The following UGGT1 variants were observed in gnomAD, a reference collection of about 807,000 sequenced individuals.
The protein encoded by UGGT1 is UDP-glucose glycoprotein glucosyltransferase 1.
Under a neutral mutation model 203.9 loss-of-function variants are expected in UGGT1, and 107 were observed. The observed-to-expected ratio is 0.52, with a 90% CI of 0.45 to 0.62. The LOEUF is 0.62. UGGT1 is among the 20% of genes least tolerant of loss of function. The pLI is 0.00. For synonymous variants in UGGT1, 628 were observed against 653.5 expected, an observed-to-expected ratio of 0.96 and a Z score of 0.59; for missense variants, 1,673 against 1,867.2, an observed-to-expected ratio of 0.90 and a Z score of 1.92.
At chr2:128,119,507 T>C (rs764543877) in intron 8 of UGGT1, among the ~76,000 whole-genome samples, 1 of 152,200 alleles carries the variant, frequency 6.6e-6, no homozygotes, top group African/African-American at 2.4e-5. Flanking sequence ...GTCTGTCTGA[T>C]GTAAATGTTA....
chr2:128,141,811 A>C (rs1689442539), intron 16 of UGGT1, among the ~76,000 whole-genome samples: 1 of 139,088 alleles, frequency 7.2e-6, no homozygotes, highest in South Asian at 2.2e-4. Context: ...ACTCCATCTC[A>C]AAAAAAAAAA....
chr2:128,091,500 C>T lies in UGGT1; in HGVS notation c.58+85C>T, dbSNP rs1438274611. 8 of 1,510,678 alleles carry T rather than the reference C, an allele frequency of 5.3e-6. No homozygotes were observed. The African/African-American group carries it at 1.1e-4, about 21-fold the overall frequency. 93.6% of individuals were successfully genotyped at this position (1,510,678 alleles called of 1,614,324 possible). Reference sequence around the variant, plus strand: ...GACCCTGTGCCCCTGTCACATTGAGCTTCCGCCTCTACCGTGACTCAGTTT... The same window carrying T: ...GACCCTGTGCCCCTGTCACATTGAGTTTCCGCCTCTACCGTGACTCAGTTT... On this transcript the variant is annotated intron_variant, in intron 1 of 40. Transcript: ENST00000259253.
chr2:128,174,805 T>C lies in UGGT1; in HGVS notation c.3486T>C (p.Ala1162=). The C allele has an allele frequency of 1.9e-6, 3 of 1,613,982 alleles. No homozygotes were observed. The highest frequency in any genetic ancestry group is 2.5e-6 in the Non-Finnish European group (3 of 1,179,926). ...GYFQLKANPG[A]WILRLRKGRS... ...TTCAGCTGAAAGCCAACCCAGGAGC[T>C]TGGATCCTCAGACTTAGGAAGGGAC... is the stretch of plus-strand genomic sequence containing the variant. The change falls in exon 31 of 41, where the codon GCT becomes GCC. Residue 1162 remains alanine (A), a synonymous_variant. Transcript: ENST00000259253.
At chr2:128,119,053 A>G (rs894478351) in intron 8 of UGGT1, among the ~76,000 whole-genome samples, 3 of 152,178 alleles carry the variant, frequency 2.0e-5, no homozygotes, top group Admixed American at 1.3e-4. Flanking sequence ...TCAGATTTCA[A>G]TTTTGGAATA....
At chr2:128,141,207 C>G (rs1689406020) in intron 16 of UGGT1, among the ~76,000 whole-genome samples, 1 of 152,016 alleles carries the variant, frequency 6.6e-6, no homozygotes, top group African/African-American at 2.4e-5. Flanking sequence ...GCCTGTAATT[C>G]CAGCACTTTG....
intron 12 of UGGT1, 152 bp downstream of exon 12, chr2:128,127,604 C>T: frequency 1.6e-6 from 1 of 607,198 alleles, no homozygotes; most frequent in Non-Finnish European, 3.0e-6. Flanking sequence ...TAGGCACATG[C>T]CATGATGGGT....
At chr2:128,165,971 A>C (rs1418833921) in intron 26 of UGGT1, among the ~76,000 whole-genome samples, 2 of 152,128 alleles carry the variant, frequency 1.3e-5, no homozygotes, top group Non-Finnish European at 2.9e-5. Flanking sequence ...TGTGTTGCCC[A>C]GGCTGGTCTC....
chr2:128,113,395 T>C (rs1285453476), intron 6 of UGGT1, 137 bp downstream of exon 6: 1 of 698,302 alleles, frequency 1.4e-6, no homozygotes, highest in Non-Finnish European at 2.2e-6. Flanking sequence ...AGTAGTTTCA[T>C]TGAGTCTATT....
chr2:128,143,165 TC>T lies in UGGT1; in HGVS notation c.1793del (p.Pro598ArgfsTer3). Reference sequence around the variant, plus strand: ...TGGTCAGTGTCCTGGAGAAGAAATATCCGTATGTAGAAGTGAATAGCATTTT... The same window carrying T: ...TGGTCAGTGTCCTGGAGAAGAAATATCGTATGTAGAAGTGAATAGCATTTT... ...HVVSVLEKKY[P>X]YVEVNSILGI... On this transcript the variant is annotated frameshift_variant, in exon 17 of 41. Transcript: ENST00000259253. LOFTEE classifies it high-confidence loss of function. 3 of 1,613,982 alleles carry T rather than the reference TC, an allele frequency of 1.9e-6. No individual in the cohort carries two copies. Among genetic ancestry groups the T allele is most frequent in the Non-Finnish European group, 2.5e-6 (3 of 1,179,958 alleles).
chr2:128,104,463 A>G (rs921368757), intron 3 of UGGT1, among the ~76,000 whole-genome samples: 1 of 152,230 alleles, frequency 6.6e-6, no homozygotes. Context: ...TTGAGTGTTA[A>G]GGTATCAAAT....
At chr2:128,128,936 T>G in intron 12 of UGGT1, 93 bp from the exon 13 acceptor site, 1 of 1,252,856 alleles carries the variant, frequency 8.0e-7, no homozygotes, top group South Asian at 1.7e-5. Flanking sequence ...TGATTTGGCA[T>G]TGAGGTTGAA....
At chr2:128,143,265 TG>T (rs1230344387) in intron 17 of UGGT1, 40 bp downstream of exon 17, 1 of 1,606,352 alleles carries the variant, frequency 6.2e-7, no homozygotes, top group Non-Finnish European at 8.5e-7. Flanking sequence ...ATTGCAACAT[TG>T]TACTGTCCTT....
chr2:128,189,851 G>A lies in UGGT1; in HGVS notation c.*109G>A. The A allele has an allele frequency of 8.1e-7, 1 of 1,238,672 alleles. No homozygotes were observed. The highest frequency in any genetic ancestry group is 1.3e-5 in the South Asian group (1 of 74,998). 76.7% of individuals were successfully genotyped at this position (1,238,672 alleles called of 1,614,324 possible). On this transcript the variant is annotated 3_prime_UTR_variant, in exon 41 of 41. Transcript: ENST00000259253. ...CTGCTGATAAGCCGGCTGGGCAGGA[G>A]TGCCACACCTTTTGATTCTGAGCAT...
At chr2:128,105,746 C>T (rs1687577575) in intron 3 of UGGT1, among the ~76,000 whole-genome samples, 1 of 152,062 alleles carries the variant, frequency 6.6e-6, no homozygotes, top group African/African-American at 2.4e-5. Flanking sequence ...AACTCCTGAC[C>T]TCAGGCAATC....
At chr2:128,133,841 A>G (rs1688997383) in intron 14 of UGGT1, among the ~76,000 whole-genome samples, 1 of 151,988 alleles carries the variant, frequency 6.6e-6, no homozygotes, top group Non-Finnish European at 1.5e-5. Context: ...GCCAACTCCT[A>G]CTTGTTATTC....
At chr2:128,115,483 TAA>T (rs55952659) in intron 7 of UGGT1, among the ~76,000 whole-genome samples, 30,643 of 120,506 alleles carry the variant, frequency 0.25, 2,886 homozygotes, top group Non-Finnish European at 0.33. Flanking sequence ...TTTCATGTAC[TAA>T]AAAAAAAAAA....
chr2:128,156,345 C>T, intron 20 of UGGT1, 47 bp from the exon 21 acceptor site: 1 of 1,470,502 alleles, frequency 6.8e-7, no homozygotes, highest in Non-Finnish European at 9.5e-7. Flanking sequence ...GCATTCATTC[C>T]AGAAATGATA....
intron 10 of UGGT1, among the ~76,000 whole-genome samples, chr2:128,121,874 C>G (rs1573528850): frequency 1.3e-5 from 2 of 152,332 alleles, no homozygotes; most frequent in South Asian, 2.1e-4. Flanking sequence ...ACCTCAGTTT[C>G]CTCAGCAGTG....
At chr2:128,122,897 G>A (rs1688447346) in intron 10 of UGGT1, among the ~76,000 whole-genome samples, 1 of 152,168 alleles carries the variant, frequency 6.6e-6, no homozygotes, top group Non-Finnish European at 1.5e-5. Context: ...TAGCCTGAGA[G>A]TAGTAGAGAT....
Sources: gnomAD v4.1 joint callset for allele counts (sites outside exome capture counted in the v4.1 genomes callset) on GRCh38, gnomAD v4.1.1 for gene constraint, MANE v1.5 for transcripts, NCBI Gene and HGNC (gene_info 2026-07-23, HGNC 2026-07-21) for gene names.